CDCA5: variants seen among roughly 807,000 people sequenced by gnomAD.
CDCA5 encodes sororin.
Under a neutral mutation model 25.7 loss-of-function variants are expected in CDCA5, and 14 were observed. The observed-to-expected ratio is 0.54, with a 90% CI of 0.36 to 0.85. The LOEUF is 0.85. Among genes scored for constraint, CDCA5 ranks in the 40% least tolerant of loss-of-function variants. CDCA5 has a pLI of 0.01. For synonymous variants in CDCA5, 127 were observed against 128.7 expected, an observed-to-expected ratio of 0.99 and a Z score of 0.09; for missense variants, 307 against 324.5, an observed-to-expected ratio of 0.95 and a Z score of 0.41.
At chr11:65,062,167 G>C (rs966878935), downstream of CDCA5, among the ~76,000 whole-genome samples, 1 of 152,096 alleles carries the variant, frequency 6.6e-6, no homozygotes, top group African/African-American at 2.4e-5. Context: ...TGATCCGCCC[G>C]CCTTGGCCTC....
chr11:65,082,277 T>A (rs1251607537), intron 4 of CDCA5, among the ~76,000 whole-genome samples: 1 of 152,172 alleles, frequency 6.6e-6, no homozygotes, highest in Non-Finnish European at 1.5e-5. Flanking sequence ...CCAAGAATGA[T>A]GCCCAAGCCA....
Position 65,083,834 on chromosome 11 carries a change from C to T in CDCA5, c.46+99G>A, listed in dbSNP as rs1323843391. ...CCCAAACAAGCCCTTTTAAGGGCGC[C>T]TCCTCCGGCGGCGGCAGCGGGAGGG... On this transcript the variant is annotated intron_variant, in intron 1 of 5. Transcript: ENST00000275517. 4 of 1,587,550 alleles carry T rather than the reference C, an allele frequency of 2.5e-6. No homozygotes were observed. In the African/African-American group the frequency reaches 5.4e-5, roughly 21 times the overall value.
chr11:65,072,500 T>C (rs1046423069), downstream of CDCA5, among the ~76,000 whole-genome samples: 1 of 152,224 alleles, frequency 6.6e-6, no homozygotes, highest in Non-Finnish European at 1.5e-5. Context: ...AGACCTCACA[T>C]GCACACTGGT....
In CDCA5 at chr11:65,077,710, G is replaced by A. The variant is rs1947474171; in HGVS notation, c.*1397C>T. 2.0e-6 allele frequency: 2 copies of A among 985,432 alleles called. No individual in the cohort carries two copies. The highest frequency in any genetic ancestry group is 1.7e-5 in the African/African-American group (1 of 57,248). The allele number at this position is 985,432 out of a possible 1,614,324, so 61.0% of individuals were successfully genotyped here. A position where few individuals can be genotyped will look rare whatever the true frequency, so the allele number is the denominator to read the frequency against. On this transcript the variant is annotated 3_prime_UTR_variant, in exon 6 of 6. Coordinates refer to ENST00000275517, the MANE Select transcript of CDCA5 (RefSeq NM_080668.4). ...TTCCCCAGCAGGGGGCTTGCTTGCA[G>A]GTCTGACAAACCACAGAGCGTTGAG...
rs1947472440 is a variant in CDCA5 at position 65,077,625 on chromosome 11, C to T, written c.*1482G>A. On this transcript the variant is annotated 3_prime_UTR_variant, in exon 6 of 6. Transcript: ENST00000275517. ...ACTAAGACATTTCCCAAGAGTTCTG[C>T]TGCATCAGCCAGTGAGGACAAGAGT... 2.0e-6 allele frequency: 2 copies of T among 985,384 alleles called. No individual in the cohort carries two copies. Among genetic ancestry groups the T allele is most frequent in the East Asian group, 1.1e-4 (1 of 8,832 alleles). The allele number at this position is 985,384 out of a possible 1,614,324, so 61.0% of individuals were successfully genotyped here.
downstream of CDCA5, among the ~76,000 whole-genome samples, chr11:65,065,106 T>C (rs1210378670): frequency 6.6e-6 from 1 of 152,122 alleles, no homozygotes; most frequent in Admixed American, 6.6e-5. Context: ...CCCAGCCCGT[T>C]CCGTGTCACA....
chr11:65,067,027 G>C (rs1565264956), intron 4 of CDCA5: 2 of 457,136 alleles, frequency 4.4e-6, no homozygotes, highest in Non-Finnish European at 8.1e-6. Flanking sequence ...TCCTGTCCCG[G>C]CAAAACCACA....
chr11:65,067,596 G>T, intron 4 of CDCA5: 1 of 1,103,586 alleles, frequency 9.1e-7, no homozygotes, highest in Non-Finnish European at 1.2e-6. Flanking sequence ...AGCCAGGCCT[G>T]GCCTTGGTCG....
chr11:65,070,773 T>C (rs1947324393), intron 1 of CDCA5, among the ~76,000 whole-genome samples: 1 of 152,052 alleles, frequency 6.6e-6, no homozygotes, highest in South Asian at 2.1e-4. Context: ...CATAAGCCAC[T>C]GAACCCAGGC....
At chr11:65,070,020 C>T (rs1330549965) in intron 1 of CDCA5, among the ~76,000 whole-genome samples, 1 of 152,182 alleles carries the variant, frequency 6.6e-6, no homozygotes, top group Non-Finnish European at 1.5e-5. Flanking sequence ...CTTCGGAGCT[C>T]CAGAGAGACT....
downstream of CDCA5, among the ~76,000 whole-genome samples, chr11:65,076,291 A>AT (rs1947443699): frequency 3.5e-5 from 1 of 28,642 alleles, no homozygotes; most frequent in African/African-American, 7.0e-5. Context: ...TTTTTTTTAC[A>AT]TTTTTTGTAG....
rs1947491689 is a variant in CDCA5 at position 65,078,587 on chromosome 11, G to A, written c.*520C>T. 7.1e-6 allele frequency: 7 copies of A among 985,924 alleles called. No individual in the cohort carries two copies. Among genetic ancestry groups the A allele is most frequent in the African/African-American group, 1.7e-5 (1 of 57,236 alleles). The allele number at this position is 985,924 out of a possible 1,614,324, so 61.1% of individuals were successfully genotyped here. On this transcript the variant is annotated 3_prime_UTR_variant, in exon 6 of 6. Transcript: ENST00000275517. ...GCCCTCAGCCCACGAATTCTCTCTG[G>A]GACTATTTACAGAATCAAAGGGGAA...
chr11:65,065,348 T>C (rs1404134200), downstream of CDCA5, among the ~76,000 whole-genome samples: 7 of 152,320 alleles, frequency 4.6e-5, no homozygotes, highest in South Asian at 1.0e-3. Context: ...AGTACAGTGG[T>C]GCCACCTTGG....
downstream of CDCA5, among the ~76,000 whole-genome samples, chr11:65,073,270 G>A (rs1947376126): frequency 6.6e-6 from 1 of 152,146 alleles, no homozygotes; most frequent in South Asian, 2.1e-4. Flanking sequence ...AAACACTGTG[G>A]CATAGGTATT....
downstream of CDCA5, among the ~76,000 whole-genome samples, chr11:65,061,463 G>A (rs557673626): frequency 1.3e-5 from 2 of 152,142 alleles, no homozygotes; most frequent in Non-Finnish European, 2.9e-5. Flanking sequence ...GGGCTACTAG[G>A]TTTTGGAGTG....
At chr11:65,079,254 C>A in intron 5 of CDCA5, 67 bp from the exon 6 acceptor site, 1 of 1,598,602 alleles carries the variant, frequency 6.3e-7, no homozygotes, top group African/African-American at 1.3e-5. Context: ...ATCTCACCCA[C>A]ACCCTGCAGG....
chr11:65,066,218 G>A, downstream of CDCA5: 1 of 488,992 alleles, frequency 2.0e-6, no homozygotes, highest in Non-Finnish European at 2.9e-6. Context: ...GGGTGGCTGA[G>A]GGGCTGAGCT....
chr11:65,068,287 G>A (rs938115299), intron 2 of CDCA5, among the ~76,000 whole-genome samples: 2 of 151,850 alleles, frequency 1.3e-5, no homozygotes, highest in African/African-American at 4.8e-5. Flanking sequence ...AATGGGACCT[G>A]TCCAGGAGGC....
rs1162500112 is a variant in CDCA5, at chr11:65,079,514, C to G, written c.517G>C (p.Gly173Arg). 6.2e-7 allele frequency: 1 copy of G among 1,614,188 alleles called. No homozygotes were observed. Among genetic ancestry groups the G allele is most frequent in the Non-Finnish European group, 8.5e-7 (1 of 1,180,028 alleles). Residue 173 changes from glycine (G) to arginine (R), a missense_variant, in exon 5 of 6, where the codon GGG becomes CGG. By Grantham distance (125) the Gly-to-Arg change is moderately radical. Coordinates refer to ENST00000275517, the MANE Select transcript of CDCA5 (RefSeq NM_080668.4). ...GAGACTCCGGACAAGTCTTCTGCCC[C>G]CAGCAGCCCCTCGAAGCCAAAGCAG... is the stretch of plus-strand genomic sequence containing the variant. The part of the protein sequence containing the change: ...RSCFGFEGLL[G>R]AEDLSGVSPV...
Sources: gnomAD v4.1 joint callset for allele counts (sites outside exome capture counted in the v4.1 genomes callset) on GRCh38, gnomAD v4.1.1 for gene constraint, MANE v1.5 for transcripts, NCBI Gene and HGNC (gene_info 2026-07-23, HGNC 2026-07-21) for gene names.